PTPN14: variants seen among roughly 807,000 people sequenced by gnomAD.
The protein encoded by PTPN14 is protein tyrosine phosphatase non-receptor type 14.
PTPN14 carries 53 observed loss-of-function variants against 126.8 expected under a neutral mutation model. The ratio of observed to expected loss-of-function variants is 0.42; its 90% confidence interval spans 0.34 to 0.53. The LOEUF is 0.53. PTPN14 is among the 20% of genes least tolerant of loss of function. PTPN14 has a pLI of 0.08. For synonymous variants in PTPN14, 630 were observed against 599.3 expected (o/e 1.05, Z -0.75); for missense variants, 1,257 against 1,552.9 (o/e 0.81, Z 3.20).
chr1:214,546,938 A>C (rs1655984571), intron 1 of PTPN14, among the ~76,000 whole-genome samples: 1 of 152,138 alleles, frequency 6.6e-6, no homozygotes, highest in Admixed American at 6.6e-5. Flanking sequence ...GGGGGAAGAA[A>C]AGTCAAGAAA....
chr1:214,452,747 C>T (rs1394579539), intron 2 of PTPN14, among the ~76,000 whole-genome samples: 2 of 152,188 alleles, frequency 1.3e-5, no homozygotes, highest in African/African-American at 2.4e-5. Flanking sequence ...TTTATGCACC[C>T]AATCCCATCT....
At chr1:214,466,309 C>T (rs1486221920) in intron 1 of PTPN14, among the ~76,000 whole-genome samples, 3 of 150,942 alleles carry the variant, frequency 2.0e-5, no homozygotes, top group African/African-American at 7.3e-5. Context: ...ATGAATTATT[C>T]AAAGCACTTA....
intron 4 of PTPN14, 52 bp from the exon 5 acceptor site, chr1:214,411,803 T>C (rs1341943624): frequency 8.2e-7 from 1 of 1,212,864 alleles, no homozygotes; most frequent in Admixed American, 2.2e-5. Flanking sequence ...AAATTAAAGA[T>C]GGAATAAAAT....
chr1:214,512,504 G>A (rs1263060589), intron 1 of PTPN14, among the ~76,000 whole-genome samples: 1 of 152,108 alleles, frequency 6.6e-6, no homozygotes, highest in East Asian at 1.9e-4. Flanking sequence ...AAGTAGTCAA[G>A]TTCATGGAAA....
intron 1 of PTPN14, among the ~76,000 whole-genome samples, chr1:214,486,218 C>T (rs1271565447): frequency 1.3e-5 from 2 of 152,192 alleles, no homozygotes; most frequent in Non-Finnish European, 2.9e-5. Flanking sequence ...TGGAGCACTT[C>T]CTCCATACTA....
intron 1 of PTPN14, chr1:214,532,362 C>A (rs540988671): frequency 1.0e-5 from 6 of 585,038 alleles, no homozygotes; most frequent in African/African-American, 9.5e-5. Context: ...CTTGGGGTCC[C>A]GGGGCCTGGC....
At chr1:214,469,988 A>G (rs1660717538) in intron 1 of PTPN14, among the ~76,000 whole-genome samples, 1 of 152,232 alleles carries the variant, frequency 6.6e-6, no homozygotes, top group African/African-American at 2.4e-5. Context: ...TAAATACTAC[A>G]AAGCTGCAAC....
intron 13 of PTPN14, among the ~76,000 whole-genome samples, chr1:214,380,095 G>A (rs1200322354): frequency 1.3e-5 from 2 of 152,286 alleles, no homozygotes; most frequent in South Asian, 2.1e-4. Flanking sequence ...AAATTTTTAG[G>A]TCTTTGTTTG....
At chr1:214,467,934 A>C (rs1441615310) in intron 1 of PTPN14, among the ~76,000 whole-genome samples, 1 of 152,234 alleles carries the variant, frequency 6.6e-6, no homozygotes, top group East Asian at 1.9e-4. Context: ...TCATGAAACA[A>C]AAATTGGGCA....
chr1:214,535,355 G>T (rs4465173), intron 1 of PTPN14, among the ~76,000 whole-genome samples: 1 of 152,038 alleles, frequency 6.6e-6, no homozygotes, highest in Admixed American at 6.6e-5. Flanking sequence ...GAACACTTAT[G>T]GCAAAAGTAA....
chr1:214,372,758 C>T lies in PTPN14; in HGVS notation c.2989G>A (p.Val997Met), dbSNP rs1208762934. 6 of 1,614,070 alleles carry T rather than the reference C, an allele frequency of 3.7e-6. No individual in the cohort carries two copies. Among genetic ancestry groups the T allele is most frequent in the East Asian group, 2.2e-5 (1 of 44,890 alleles). The part of the protein sequence containing the change: ...PHTCHDFWQM[V>M]WEQGVNVIAM... ...ATCACATTCACTCCCTGCTCCCACA[C>T]CATCTGCCAGAAGTCGTGGCACGTG... The change falls in exon 16 of 19, where the codon GTG becomes ATG. Residue 997 changes from valine (V) to methionine (M), a missense_variant. By Grantham distance (21) the Val-to-Met change is conservative. Transcript: ENST00000366956.
At chr1:214,408,329 T>G (rs1659217185) in intron 5 of PTPN14, among the ~76,000 whole-genome samples, 1 of 152,222 alleles carries the variant, frequency 6.6e-6, no homozygotes, top group Non-Finnish European at 1.5e-5. Flanking sequence ...AGAGCCAGAA[T>G]GTTGATTGGT....
At chr1:214,417,618 A>T (rs1010704625) in intron 3 of PTPN14, among the ~76,000 whole-genome samples, 1 of 152,202 alleles carries the variant, frequency 6.6e-6, no homozygotes, top group Admixed American at 6.5e-5. Flanking sequence ...TAAGATCTTC[A>T]TGCTCTCTTT....
At chr1:214,479,017 A>T (rs993741088) in intron 1 of PTPN14, among the ~76,000 whole-genome samples, 2 of 141,140 alleles carry the variant, frequency 1.4e-5, no homozygotes, top group East Asian at 2.1e-4. Flanking sequence ...CATTTTGCTT[A>T]AAAAAAAAAA....
At position 214,384,526 on chromosome 1, in the gene PTPN14, G is replaced by A. The variant is rs765800467; in HGVS notation, c.1329C>T (p.Pro443=). Reference sequence around the variant, plus strand: ...TCTGGCGCATGACTGTCTCATAATCGGGGGTTGGCCTGTACGAGGGCACGA... The same window carrying A: ...TCTGGCGCATGACTGTCTCATAATCAGGGGTTGGCCTGTACGAGGGCACGA... ...AIIVPSYRPT[P]DYETVMRQMK... Residue 443 remains proline (P), a synonymous_variant, in exon 13 of 19, where the codon CCC becomes CCT. Coordinates refer to ENST00000366956, the MANE Select transcript of PTPN14 (RefSeq NM_005401.5). This position sits in a 1 kb window ranked among gnomAD's most constrained non-coding sequence, Gnocchi z 5.3. 2.1e-5 allele frequency: 34 copies of A among 1,613,988 alleles called. No homozygotes were observed. Among genetic ancestry groups the A allele is most frequent in the East Asian group, 1.1e-4 (5 of 44,890 alleles).
At chr1:214,445,036 T>C (rs112496772) in intron 3 of PTPN14, among the ~76,000 whole-genome samples, 60 of 152,204 alleles carry the variant, frequency 3.9e-4, no homozygotes, top group Non-Finnish European at 7.9e-4. Context: ...AGGAACTATC[T>C]TTAACATTTA....
At chr1:214,382,536 T>C (rs562703240) in intron 13 of PTPN14, among the ~76,000 whole-genome samples, 48 of 152,304 alleles carry the variant, frequency 3.2e-4, no homozygotes, top group African/African-American at 1.0e-3. Flanking sequence ...CTCATTATAC[T>C]GCCCAGGCTG....
At chr1:214,480,493 G>T (rs983994429) in intron 1 of PTPN14, among the ~76,000 whole-genome samples, 2 of 152,176 alleles carry the variant, frequency 1.3e-5, no homozygotes, top group Non-Finnish European at 2.9e-5. Flanking sequence ...AAGTCTCAAT[G>T]TCTTCATGTG....
intron 4 of PTPN14, among the ~76,000 whole-genome samples, chr1:214,412,548 A>G (rs1441445353): frequency 2.0e-5 from 3 of 152,246 alleles, no homozygotes; most frequent in Non-Finnish European, 4.4e-5. Flanking sequence ...TAGGTGCAGC[A>G]TTCAAGAATA....
Sources: allele counts gnomAD v4.1 joint callset (sites outside exome capture counted in the v4.1 genomes callset), GRCh38; gene constraint gnomAD v4.1.1; non-coding constraint Gnocchi (gnomAD v3.1); transcripts MANE v1.5; gene names NCBI Gene and HGNC (gene_info 2026-07-23, HGNC 2026-07-21).